The following TNS1 variants were observed in gnomAD, a reference collection of about 807,000 sequenced individuals.
TNS1 encodes the protein tensin 1, also known as tensin-1.
In TNS1, 62 loss-of-function variants were observed where a neutral mutation model predicts 168.6. The observed-to-expected ratio is 0.37, with a 90% CI of 0.30 to 0.45. TNS1 has a LOEUF of 0.45. Ranked by LOEUF, TNS1 falls within the 20% of genes least tolerant of loss-of-function variation. The probability of loss-of-function intolerance (pLI) is 1.00; values close to 1 mark genes in which losing one functional copy is unlikely to be tolerated. For missense variants in TNS1, 2,240 were observed against 2,339.4 expected, an observed-to-expected ratio of 0.96 and a Z score of 0.88; for synonymous variants, 934 against 933.2, an observed-to-expected ratio of 1.00 and a Z score of -0.02.
At chr2:217,962,518 T>C (rs557155653) in intron 3 of TNS1, among the ~76,000 whole-genome samples, 3 of 152,212 alleles carry the variant, frequency 2.0e-5, no homozygotes, top group Admixed American at 6.5e-5. Flanking sequence ...GCTAGATCAA[T>C]TGGATTCAAG....
intron 18 of TNS1, chr2:217,849,876 G>A (rs1334334622): frequency 2.0e-6 from 2 of 985,342 alleles, no homozygotes; most frequent in East Asian, 1.1e-4. Context: ...AGGTGGTGGT[G>A]GCAGGGAGGC....
chr2:217,980,691 A>T (rs569986315), intron 2 of TNS1, among the ~76,000 whole-genome samples: 7 of 151,898 alleles, frequency 4.6e-5, no homozygotes, highest in South Asian at 4.2e-4. Flanking sequence ...CCACCTCAAC[A>T]TCTCATGTTC....
upstream of TNS1, among the ~76,000 whole-genome samples, chr2:218,012,332 T>C (rs185438843): frequency 5.3e-4 from 81 of 152,236 alleles, no homozygotes; most frequent in Admixed American, 4.4e-3. Flanking sequence ...AACATGACTT[T>C]TAAGAAAATT....
At position 217,885,808 on chromosome 2, in the gene TNS1, C is replaced by T; in HGVS notation, c.1052G>A (p.Gly351Glu). ...GATGCAGACGCTAGTCTGGCTGTCT[C>T]CTGGGATGTTGCTAAGGGAGAGAGG... ...VYTSGIYNIP[G>E]DSQTSVCITI... Residue 351 changes from glycine (G) to glutamate (E), a missense_variant, in exon 15 of 33, where the codon GGA becomes GAA. By Grantham distance (98) the Gly-to-Glu change is moderately conservative (BLOSUM62 -2). This residue lies in a region of TNS1 where 2,131 missense variants were observed against 2,171.2 expected (regional missense o/e 0.98). Transcript: ENST00000682258. The T allele has an allele frequency of 3.7e-6, 6 of 1,614,148 alleles. No homozygotes were observed. Among genetic ancestry groups the T allele is most frequent in the Non-Finnish European group, 5.1e-6 (6 of 1,180,034 alleles).
chr2:217,867,802 C>T (rs757239634), intron 18 of TNS1, among the ~76,000 whole-genome samples: 13 of 152,254 alleles, frequency 8.5e-5, no homozygotes, highest in Non-Finnish European at 1.8e-4. Context: ...TTCTGTGCCT[C>T]TTTCAAGTCT....
intron 22 of TNS1, among the ~76,000 whole-genome samples, chr2:217,831,151 A>G (rs1008559829): frequency 8.5e-5 from 13 of 152,140 alleles, no homozygotes; most frequent in African/African-American, 3.1e-4. Flanking sequence ...GAGGGCCTGA[A>G]CACCTAGAAT....
In TNS1 at chr2:217,818,503, T is replaced by G. The variant is rs1172882747; in HGVS notation, c.3829A>C (p.Thr1277Pro). The G allele has an allele frequency of 1.2e-6, 2 of 1,614,094 alleles. No individual in the cohort carries two copies. The highest frequency in any genetic ancestry group is 1.7e-6 in the Non-Finnish European group (2 of 1,180,042). Reference sequence around the variant, plus strand: ...CGCGCCTGAGGGCTCCCAGGCACCGTGTGGACGCCAGCCACACTGAACTGA... The same window carrying G: ...CGCGCCTGAGGGCTCCCAGGCACCGGGTGGACGCCAGCCACACTGAACTGA... The part of the protein sequence containing the change: ...RAQFSVAGVH[T>P]VPGSPQARHR... Residue 1277 changes from threonine (T) to proline (P), a missense_variant, in exon 24 of 33, where the codon ACG (threonine) becomes CCG (proline). Thr to Pro is a conservative substitution (Grantham distance 38). Coordinates refer to ENST00000682258, the MANE Select transcript of TNS1 (RefSeq NM_001387777.1).
At chr2:217,822,288 A>C (rs1942989433) in intron 22 of TNS1, among the ~76,000 whole-genome samples, 1 of 152,102 alleles carries the variant, frequency 6.6e-6, no homozygotes, top group Non-Finnish European at 1.5e-5. Flanking sequence ...AGGCCCTTCC[A>C]GGTTCTCCTC....
At chr2:217,939,729 C>T (rs1008073782) in intron 3 of TNS1, among the ~76,000 whole-genome samples, 2 of 152,176 alleles carry the variant, frequency 1.3e-5, no homozygotes, top group African/African-American at 4.8e-5. Flanking sequence ...CTACAGGCTT[C>T]CAGGCCTAAA....
chr2:217,943,440 G>A (rs1213008646), intron 3 of TNS1, among the ~76,000 whole-genome samples: 1 of 152,178 alleles, frequency 6.6e-6, no homozygotes, highest in East Asian at 1.9e-4. Flanking sequence ...GCAATGGGCA[G>A]GCAAGTAGCA....
intron 3 of TNS1, among the ~76,000 whole-genome samples, chr2:217,964,096 G>A (rs550966880): frequency 4.6e-5 from 7 of 152,220 alleles, no homozygotes; most frequent in South Asian, 2.1e-4. Flanking sequence ...CTGGAGGTTC[G>A]GGAGGCCTCA....
intron 4 of TNS1, among the ~76,000 whole-genome samples, chr2:217,909,055 C>A (rs1173076069): frequency 6.6e-6 from 1 of 151,078 alleles, no homozygotes; most frequent in Non-Finnish European, 1.5e-5. Flanking sequence ...CAGCCGCCAA[C>A]AACCCAGCCC....
At chr2:217,920,129 C>T in intron 4 of TNS1, 66 bp downstream of exon 4, 1 of 702,846 alleles carries the variant, frequency 1.4e-6, no homozygotes, top group East Asian at 2.7e-5. Flanking sequence ...CTAAAGAAAG[C>T]TGCAGCTGGG....
chr2:218,005,684 C>T (rs1958651225), upstream of TNS1, among the ~76,000 whole-genome samples: 1 of 152,232 alleles, frequency 6.6e-6, no homozygotes, highest in South Asian at 2.1e-4. Context: ...ATACAGCAGG[C>T]ACCAGACATG....
chr2:217,904,349 T>A (rs1953400476), intron 6 of TNS1, among the ~76,000 whole-genome samples: 1 of 152,190 alleles, frequency 6.6e-6, no homozygotes, highest in Non-Finnish European at 1.5e-5. Context: ...AGCCACATTA[T>A]CACAGCAGCA....
chr2:217,867,529 G>A (rs2125575472), intron 18 of TNS1, among the ~76,000 whole-genome samples: 1 of 152,284 alleles, frequency 6.6e-6, no homozygotes, highest in Non-Finnish European at 1.5e-5. Context: ...AAAATGAGAA[G>A]ACTCTTTACC....
intron 1 of TNS1, among the ~76,000 whole-genome samples, chr2:218,001,224 C>T (rs1006531173): frequency 6.6e-6 from 1 of 152,092 alleles, no homozygotes; most frequent in Non-Finnish European, 1.5e-5. Context: ...CCTTGGTCCC[C>T]AGACTCTTCC....
At chr2:217,977,452 C>T (rs1265365018) in intron 3 of TNS1, among the ~76,000 whole-genome samples, 3 of 152,324 alleles carry the variant, frequency 2.0e-5, no homozygotes, top group Admixed American at 1.3e-4. Context: ...GGTGTGTGCT[C>T]GGCTTTAGTA....
chr2:217,862,866 T>C (rs1459769384), intron 18 of TNS1, among the ~76,000 whole-genome samples: 1 of 152,220 alleles, frequency 6.6e-6, no homozygotes, highest in East Asian at 1.9e-4. Context: ...GAAAGTAGGA[T>C]ATTGGTGGAC....
Sources: gnomAD v4.1 joint callset for allele counts (sites outside exome capture counted in the v4.1 genomes callset) on GRCh38, gnomAD v4.1.1 for gene constraint, gnomAD v4.1.1 regional missense constraint, MANE v1.5 for transcripts, NCBI Gene and HGNC (gene_info 2026-07-23, HGNC 2026-07-21) for gene names.